PKLR: variants seen among roughly 807,000 people sequenced by gnomAD.
PKLR encodes pyruvate kinase PKLR.
A neutral mutation model predicts 53.6 loss-of-function variants in PKLR; 38 were observed. The ratio of observed to expected loss-of-function variants is 0.71; its 90% confidence interval spans 0.55 to 0.93. The LOEUF is 0.93. PKLR is among the 40% of genes least tolerant of loss of function. The pLI is 0.00. For missense variants in PKLR, 702 were observed against 787.3 expected (o/e 0.89, Z 1.30); for synonymous variants, 328 against 316.2 (o/e 1.04, Z -0.39).
Position 155,295,802 on chromosome 1 carries a change from A to T in PKLR, c.284-46T>A. The T allele has an allele frequency of 6.4e-7, 1 of 1,550,974 alleles. No individual in the cohort carries two copies. Among genetic ancestry groups the T allele is most frequent in the East Asian group, 2.2e-5 (1 of 44,572 alleles). On this transcript the variant is annotated intron_variant, in intron 2 of 10. Transcript: ENST00000342741. The surrounding 1 kb of genome is among the most constrained non-coding windows in gnomAD (Gnocchi z 4.3). Reference sequence around the variant, plus strand: ...TCAGACAACGTTCCCCCAGAACATGAGAGGCAACCAAACCCAACCCATTAC... The same window carrying T: ...TCAGACAACGTTCCCCCAGAACATGTGAGGCAACCAAACCCAACCCATTAC...
chr1:155,301,563 C>T, upstream of PKLR: 1 of 733,528 alleles, frequency 1.4e-6, no homozygotes, highest in Non-Finnish European at 2.3e-6. Context: ...CTGCCCTCAT[C>T]TCCTGGCATT....
At chr1:155,304,262 G>A (rs1235716294), upstream of PKLR, among the ~76,000 whole-genome samples, 5 of 151,878 alleles carry the variant, frequency 3.3e-5, no homozygotes, top group Non-Finnish European at 7.4e-5. Context: ...GTAAAACCTC[G>A]TCTCTACTAA....
At chr1:155,301,178 C>T in intron 1 of PKLR, 118 bp downstream of exon 1, 1 of 1,385,644 alleles carries the variant, frequency 7.2e-7, no homozygotes, top group Non-Finnish European at 1.0e-6. Context: ...ACGTACGTTC[C>T]TCTCCAAAAC....
Position 155,290,494 on chromosome 1 carries a change from G to C in PKLR, c.*78C>G. On this transcript the variant is annotated 3_prime_UTR_variant, in exon 11 of 11. Transcript: ENST00000342741. ...GACTTAAAGGTGGGGCTTTGGAGGG[G>C]TGTGGGCTGGAGAACGTAGACTGGG... The C allele has an allele frequency of 1.2e-6, 1 of 845,540 alleles. No individual in the cohort carries two copies. The highest frequency in any genetic ancestry group is 1.4e-5 in the South Asian group (1 of 72,998). The allele number at this position is 845,540 out of a possible 1,614,324, so 52.4% of individuals were successfully genotyped here. A position where few individuals can be genotyped will look rare whatever the true frequency, so the allele number is the denominator to read the frequency against.
chr1:155,296,902 G>A (rs1389451454), intron 2 of PKLR, among the ~76,000 whole-genome samples: 2 of 151,840 alleles, frequency 1.3e-5, no homozygotes, highest in Non-Finnish European at 2.9e-5. Flanking sequence ...AGGTCACCAA[G>A]AACCTCTGTG....
At position 155,294,405 on chromosome 1, in the gene PKLR, A is replaced by G; in HGVS notation, c.966-20T>C. ...TCAAACCTGAGAGGTTGGGAGAATC[A>G]AGGCAGAGGCAGGCAGGAGAAGAAA... is the stretch of plus-strand genomic sequence containing the variant. On this transcript the variant is annotated intron_variant, in intron 6 of 10. Transcript: ENST00000342741. 1 of 1,614,188 alleles carries G rather than the reference A, an allele frequency of 6.2e-7. No homozygotes were observed. The highest frequency in any genetic ancestry group is 8.5e-7 in the Non-Finnish European group (1 of 1,180,020).
At chr1:155,303,593 C>T (rs1004954267), upstream of PKLR, among the ~76,000 whole-genome samples, 5 of 152,228 alleles carry the variant, frequency 3.3e-5, no homozygotes, top group South Asian at 8.3e-4. Flanking sequence ...ACACAGAAGC[C>T]AGTGGGAGAA....
In PKLR at chr1:155,295,385, C is replaced by T. The variant is rs1434870969; in HGVS notation, c.507+52G>A. 2 of 1,612,700 alleles carry T rather than the reference C, an allele frequency of 1.2e-6. No homozygotes were observed. The highest frequency in any genetic ancestry group is 2.7e-5 in the African/African-American group (2 of 74,880). On this transcript the variant is annotated intron_variant, in intron 4 of 10. Transcript: ENST00000342741. The surrounding 1 kb of genome is among the most constrained non-coding windows in gnomAD (Gnocchi z 4.3). ...CTGCCCACGCCTGGGCCCAACCCTA[C>T]AGGCGCCGCCTTTCCGGCCCTGGCC... is the stretch of plus-strand genomic sequence containing the variant.
rs184056450 is a variant in PKLR, at chr1:155,290,827, G to A, written c.1619-149C>T. On this transcript the variant is annotated intron_variant, in intron 10 of 10. Transcript: ENST00000342741. The stretch of plus-strand genomic sequence containing the variant: ...AACATGGTGAAACCTTGTCTCTACT[G>A]AAAATACAAAAATTAGCTGGGTGTG... 7.4e-3 allele frequency: 4,823 copies of A among 650,210 alleles called. 184 individuals carry two copies. In the African/African-American group the frequency reaches 0.078, roughly 11 times the overall value. The allele number at this position is 650,210 out of a possible 1,614,324, so 40.3% of individuals were successfully genotyped here.
chr1:155,296,909 T>C (rs992399082), intron 2 of PKLR, among the ~76,000 whole-genome samples: 1 of 152,074 alleles, frequency 6.6e-6, no homozygotes, highest in African/African-American at 2.4e-5. Flanking sequence ...CAAGAACCTC[T>C]GTGTTTTTGC....
intron 1 of PKLR, among the ~76,000 whole-genome samples, chr1:155,300,607 A>G (rs1458037355): frequency 2.0e-5 from 3 of 152,134 alleles, no homozygotes; most frequent in African/African-American, 7.2e-5. Context: ...CTGACCCCGC[A>G]CAACCCAGGA....
At chr1:155,300,992 T>C in intron 1 of PKLR, 1 of 1,555,762 alleles carries the variant, frequency 6.4e-7, no homozygotes, top group Non-Finnish European at 8.7e-7. Context: ...TTCTGCAGAC[T>C]GGTTAAAGTG....
chr1:155,293,698 GGTCACA>G lies in PKLR; in HGVS notation c.1117-114_1117-109del. 8.7e-7 allele frequency: 1 copy of G among 1,148,698 alleles called. No homozygotes were observed. Among genetic ancestry groups the G allele is most frequent in the Non-Finnish European group, 1.3e-6 (1 of 773,824 alleles). The allele number at this position is 1,148,698 out of a possible 1,614,324, so 71.2% of individuals were successfully genotyped here. On this transcript the variant is annotated intron_variant, in intron 7 of 10. Coordinates refer to ENST00000342741, the MANE Select transcript of PKLR (RefSeq NM_000298.6). This position sits in a 1 kb window ranked among gnomAD's most constrained non-coding sequence, Gnocchi z 4.2. Reference sequence around the variant, plus strand: ...ACTCTCAGAGTGTCCCAAAATCCAGGGTCACAGTCACAACCCCTGAAAATAGGAGTC... The same window carrying G: ...ACTCTCAGAGTGTCCCAAAATCCAGGGTCACAACCCCTGAAAATAGGAGTC...
Position 155,294,465 on chromosome 1 carries a change from C to T in PKLR, c.965+17G>A. ...GAATAGCGACAGGGCCGAAGGGGAACAGAGCCCAAGCCTCACCTCTTCACG... is the reference window on the plus strand; with the variant it reads ...GAATAGCGACAGGGCCGAAGGGGAATAGAGCCCAAGCCTCACCTCTTCACG... On this transcript the variant is annotated intron_variant, in intron 6 of 10. Coordinates refer to ENST00000342741, the MANE Select transcript of PKLR (RefSeq NM_000298.6). 6.2e-7 allele frequency: 1 copy of T among 1,614,230 alleles called. No homozygotes were observed. Among genetic ancestry groups the T allele is most frequent in the African/African-American group, 1.3e-5 (1 of 75,062 alleles).
intron 9 of PKLR, among the ~76,000 whole-genome samples, chr1:155,292,822 C>G (rs4620533): frequency 0.37 from 56,756 of 151,986 alleles, 12,240 homozygotes; most frequent in East Asian, 0.7. Context: ...TGAGGAAAGA[C>G]AGCAGGCTAA....
rs35869567 is a variant in PKLR, at chr1:155,299,491, C to CTTTTT, written c.283+602_283+606dup. 4.7e-4 allele frequency among the ~76,000 whole-genome samples: 20 copies of CTTTTT among 42,760 alleles called. 2 individuals are homozygous for CTTTTT. The highest frequency in any genetic ancestry group is 1.9e-3 in the African/African-American group (19 of 9,876). The allele number at this position is 42,760 out of a possible 152,430, so 28.1% of individuals were successfully genotyped here. The stretch of plus-strand genomic sequence containing the variant: ...GGCATGAGCCACTGAGCCCAGCCCA[C>CTTTTT]TTTTTTTTTTTTTTTTTTTTTTTTT... On this transcript the variant is annotated intron_variant, in intron 2 of 10. Coordinates refer to ENST00000342741, the MANE Select transcript of PKLR (RefSeq NM_000298.6).
At chr1:155,298,179 G>T (rs1647703468) in intron 2 of PKLR, among the ~76,000 whole-genome samples, 1 of 152,104 alleles carries the variant, frequency 6.6e-6, no homozygotes, top group South Asian at 2.1e-4. Context: ...GGGACTACAG[G>T]CATGTGCCAC....
At position 155,293,491 on chromosome 1, in the gene PKLR, C is replaced by T. The variant is rs375456388; in HGVS notation, c.1216G>A (p.Gly406Arg). 3.7e-6 allele frequency: 6 copies of T among 1,614,248 alleles called. No individual in the cohort carries two copies. The highest frequency in any genetic ancestry group is 5.1e-6 in the Non-Finnish European group (6 of 1,180,046). The change falls in exon 8 of 11, where the codon GGG becomes AGG. Residue 406 changes from glycine to arginine, a missense_variant. By Grantham distance (125) the Gly-to-Arg change is moderately radical (BLOSUM62 -2). Transcript: ENST00000342741. This position sits in a 1 kb window ranked among gnomAD's most constrained non-coding sequence, Gnocchi z 4.2. ...GGGAAGTTGCCCTTGGCAGTCTCCCCTGACAGCATGATGCAGTCAGCCCCA... is the reference window on the plus strand; with the variant it reads ...GGGAAGTTGCCCTTGGCAGTCTCCCTTGACAGCATGATGCAGTCAGCCCCA... The part of the protein sequence containing the change: ...LDGADCIMLS[G>R]ETAKGNFPVE...
intron 10 of PKLR, 76 bp downstream of exon 10, chr1:155,291,680 A>G: frequency 1.5e-6 from 2 of 1,316,386 alleles, no homozygotes; most frequent in Non-Finnish European, 2.2e-6. Flanking sequence ...AGGCCCTTTG[A>G]GTGGGTATGG....
Sources: allele counts gnomAD v4.1 joint callset (sites outside exome capture counted in the v4.1 genomes callset), GRCh38; gene constraint gnomAD v4.1.1; non-coding constraint Gnocchi (gnomAD v3.1); transcripts MANE v1.5; gene names NCBI Gene and HGNC (gene_info 2026-07-23, HGNC 2026-07-21).